CAST: variants seen among roughly 807,000 people sequenced by gnomAD.
CAST encodes the protein calpastatin.
CAST carries 76 observed loss-of-function variants against 119.6 expected under a neutral mutation model. That is an observed-to-expected ratio of 0.64 (90% confidence interval 0.53 to 0.77). CAST has a LOEUF of 0.77. Among genes scored for constraint, CAST ranks in the 30% least tolerant of loss-of-function variants. CAST has a pLI of 0.00. For missense variants in CAST, 953 were observed against 946.5 expected (o/e 1.01, Z -0.09); for synonymous variants, 319 against 331.6 (o/e 0.96, Z 0.41).
At chr5:96,758,583 T>C (rs563035512) in intron 24 of CAST, among the ~76,000 whole-genome samples, 1 of 152,330 alleles carries the variant, frequency 6.6e-6, no homozygotes, top group South Asian at 2.1e-4. Flanking sequence ...ATGGAAAATA[T>C]ATTTATATCA....
At chr5:96,362,713 C>A in the CAST span, among the ~76,000 whole-genome samples, 1 of 152,092 alleles carries the variant, frequency 6.6e-6, no homozygotes, top group Non-Finnish European at 1.5e-5. Flanking sequence ...ATCTTGAGTT[C>A]TTTGTGGATT....
At chr5:96,061,807 C>G in the CAST span, among the ~76,000 whole-genome samples, 1 of 152,022 alleles carries the variant, frequency 6.6e-6, no homozygotes, top group South Asian at 2.1e-4. Flanking sequence ...AATACAGATG[C>G]ACACATGGGA....
chr5:96,202,889 C>G, the CAST span, among the ~76,000 whole-genome samples: 1 of 151,922 alleles, frequency 6.6e-6, no homozygotes, highest in Non-Finnish European at 1.5e-5. Context: ...AATTATATAT[C>G]TTTTTGAATC....
chr5:96,683,622 T>C (rs1751708508), intron 2 of CAST, among the ~76,000 whole-genome samples: 1 of 152,214 alleles, frequency 6.6e-6, no homozygotes, highest in African/African-American at 2.4e-5. Flanking sequence ...ATCACCTCTT[T>C]TGTGGTATTT....
At chr5:96,460,595 G>A in the CAST span, among the ~76,000 whole-genome samples, 1 of 150,494 alleles carries the variant, frequency 6.6e-6, no homozygotes. Context: ...CAAATATAAA[G>A]AATCAGGTTA....
chr5:96,538,508 C>T (rs1002479987), intron 1 of CAST, among the ~76,000 whole-genome samples: 4 of 152,012 alleles, frequency 2.6e-5, no homozygotes, highest in Admixed American at 2.0e-4. Context: ...AAGTAAATGA[C>T]CAATTACCTA....
At chr5:96,549,309 T>A (rs1746080809) in intron 1 of CAST, among the ~76,000 whole-genome samples, 1 of 152,220 alleles carries the variant, frequency 6.6e-6, no homozygotes, top group Non-Finnish European at 1.5e-5. Flanking sequence ...AATGGAGGAA[T>A]AGTGATTATT....
At chr5:96,368,508 A>AC in the CAST span, among the ~76,000 whole-genome samples, 35 of 151,786 alleles carry the variant, frequency 2.3e-4, no homozygotes, top group East Asian at 5.8e-4. Context: ...TCTAAAAAAA[A>AC]AAAAAAACAA....
At chr5:95,986,529 C>G in the CAST span, among the ~76,000 whole-genome samples, 2 of 152,040 alleles carry the variant, frequency 1.3e-5, no homozygotes, top group African/African-American at 4.8e-5. Context: ...TTAACAGGAC[C>G]CTTGGAGTAC....
chr5:96,349,139 A>ATTTTTTTTTTTCTTTTTTT, the CAST span, among the ~76,000 whole-genome samples: 1 of 89,634 alleles, frequency 1.1e-5, no homozygotes, highest in Non-Finnish European at 2.1e-5. Context: ...CAAGGACACT[A>ATTTTTTTTTTTCTTTTTTT]TTTTTTTTTT....
intron 16 of CAST, among the ~76,000 whole-genome samples, chr5:96,744,650 C>T (rs1763377767): frequency 6.6e-6 from 1 of 152,162 alleles, no homozygotes. Context: ...TTTCAGTCCT[C>T]TAGATTATTA....
the CAST span, among the ~76,000 whole-genome samples, chr5:96,394,512 GAC>G: frequency 6.6e-6 from 1 of 152,168 alleles, no homozygotes; most frequent in Non-Finnish European, 1.5e-5. Context: ...AGGTTAATGA[GAC>G]AATGTGGAAA....
the CAST span, among the ~76,000 whole-genome samples, chr5:96,472,302 C>T: frequency 3.9e-5 from 6 of 152,088 alleles, no homozygotes; most frequent in Admixed American, 1.3e-4. Context: ...TGGTAAGATG[C>T]CTCAATTCCT....
At chr5:95,963,824 T>C in the CAST span, among the ~76,000 whole-genome samples, 10 of 151,128 alleles carry the variant, frequency 6.6e-5, no homozygotes, top group African/African-American at 2.4e-4. Context: ...CCGGAACAAG[T>C]AAAACCTGTA....
chr5:96,412,752 G>GTTTTTTTTTTTTTGTTT, the CAST span, among the ~76,000 whole-genome samples: 100 of 71,804 alleles, frequency 1.4e-3, 10 homozygotes, highest in African/African-American at 8.6e-3. Flanking sequence ...CAGCTGTGAT[G>GTTTTTTTTTTTTTGTTT]TTTTTTTTTT....
chr5:96,761,154 T>C (rs1767820383), intron 24 of CAST: 1 of 152,214 alleles, frequency 6.6e-6, no homozygotes, highest in Non-Finnish European at 1.5e-5. Flanking sequence ...TATGCACATA[T>C]AGCTTTGCGA....
intron 3 of CAST, among the ~76,000 whole-genome samples, chr5:96,702,188 AT>A (rs1285920649): frequency 2.6e-5 from 4 of 152,086 alleles, no homozygotes; most frequent in African/African-American, 9.7e-5. Flanking sequence ...TTATTTTAAA[AT>A]TTTTTATAAT....
chr5:96,374,006 C>T, the CAST span, among the ~76,000 whole-genome samples: 2 of 152,108 alleles, frequency 1.3e-5, no homozygotes, highest in Admixed American at 6.5e-5. Flanking sequence ...GTTCTGATTG[C>T]GGGCAGCAGT....
At chr5:96,120,602 C>T in the CAST span, among the ~76,000 whole-genome samples, 2 of 150,364 alleles carry the variant, frequency 1.3e-5, no homozygotes, top group Admixed American at 1.3e-4. Context: ...CCCATCATCT[C>T]TTGCCTGGAA....
Sources: gnomAD v4.1 joint callset for allele counts (sites outside exome capture counted in the v4.1 genomes callset) on GRCh38, gnomAD v4.1.1 for gene constraint, MANE v1.5 for transcripts, NCBI Gene and HGNC (gene_info 2026-07-23, HGNC 2026-07-21) for gene names.